The following POLD1 variants were observed in gnomAD, a reference collection of about 807,000 sequenced individuals.
POLD1 encodes DNA polymerase delta catalytic subunit.
POLD1 carries 79 observed loss-of-function variants against 129.7 expected under a neutral mutation model. The ratio of observed to expected loss-of-function variants is 0.61; its 90% CI spans 0.51 to 0.73. The LOEUF is 0.73. POLD1 is among the 30% of genes least tolerant of loss of function. The pLI, the probability that POLD1 is intolerant of heterozygous loss-of-function variation, is 0.00. For synonymous variants in POLD1, 714 were observed against 683.3 expected, an observed-to-expected ratio of 1.04 and a Z score of -0.70; for missense variants, 1,338 against 1,595.8, an observed-to-expected ratio of 0.84 and a Z score of 2.75.
intron 14 of POLD1, 70 bp from the exon 15 acceptor site, chr19:50,408,715 C>T: frequency 6.3e-7 from 1 of 1,585,798 alleles, no homozygotes; most frequent in Non-Finnish European, 8.6e-7. Flanking sequence ...AGGGTGAGGC[C>T]ACAAGACAGG....
chr19:50,403,045 C>T lies in POLD1; in HGVS notation c.971-8C>T, dbSNP rs373712816. 1.5e-5 allele frequency: 23 copies of T among 1,554,612 alleles called. No homozygotes were observed. Among genetic ancestry groups the T allele is most frequent in the Non-Finnish European group, 1.8e-5 (21 of 1,148,770 alleles). On this transcript the variant is annotated splice_polypyrimidine_tract_variant and splice_region_variant and intron_variant, in intron 8 of 26. Coordinates refer to ENST00000440232, the MANE Select transcript of POLD1 (RefSeq NM_002691.4). Reference sequence around the variant, plus strand: ...GGAGTCAGGCCCCTGCATCCTCCTGCCTCGCAGGCATCTTCCCTGAGCCTG... The same window carrying T: ...GGAGTCAGGCCCCTGCATCCTCCTGTCTCGCAGGCATCTTCCCTGAGCCTG...
chr19:50,395,323 C>T (rs572706415), intron 1 of POLD1, among the ~76,000 whole-genome samples: 3 of 151,404 alleles, frequency 2.0e-5, no homozygotes, highest in South Asian at 2.1e-4. Context: ...AGGCCGGGCG[C>T]GGTGGCTCAC....
intron 3 of POLD1, among the ~76,000 whole-genome samples, chr19:50,400,846 G>A (rs2038572996): frequency 2.0e-5 from 3 of 151,318 alleles, no homozygotes; most frequent in South Asian, 2.1e-4. Context: ...ACAGGCACCC[G>A]CCCCAACTCC....
rs762330164 is a variant in POLD1 at position 50,403,136 on chromosome 19, C to T, written c.1054C>T (p.Arg352Cys). 54 of 1,561,436 alleles carry T rather than the reference C, an allele frequency of 3.5e-5. No homozygotes were observed. The highest frequency in any genetic ancestry group is 4.8e-5 in the East Asian group (2 of 41,852). Reference protein sequence around the residue: ...LRWGEPEPFLRLALTLRPCAP... With the variant: ...LRWGEPEPFLCLALTLRPCAP... Reference sequence around the variant, plus strand: ...CTGGGGGGAGCCGGAGCCCTTCCTACGCCTGGCGCTCACCCTGCGGCCCTG... The same window carrying T: ...CTGGGGGGAGCCGGAGCCCTTCCTATGCCTGGCGCTCACCCTGCGGCCCTG... The change falls in exon 9 of 27, where the codon CGC becomes TGC. Residue 352 changes from arginine (R) to cysteine (C), a missense_variant. By Grantham distance (180) the Arg-to-Cys change is radical. Transcript: ENST00000440232.
rs8105475 is a variant in POLD1, at chr19:50,402,165, C to A, written c.590-40C>A. ...GGATCAGCGGGTTGGAGGGTCCCCTCGGGAGGCCATTGGCTGGTCCCAGCT... is the reference window on the plus strand; with the variant it reads ...GGATCAGCGGGTTGGAGGGTCCCCTAGGGAGGCCATTGGCTGGTCCCAGCT... On this transcript the variant is annotated intron_variant, in intron 5 of 26. Coordinates refer to ENST00000440232, the MANE Select transcript of POLD1 (RefSeq NM_002691.4). 2.5e-6 allele frequency: 4 copies of A among 1,591,794 alleles called. No individual in the cohort carries two copies. The African/African-American group carries it at 4.0e-5, about 16-fold the overall frequency.
chr19:50,396,359 G>A (rs1007803081), intron 1 of POLD1, among the ~76,000 whole-genome samples: 3 of 151,726 alleles, frequency 2.0e-5, no homozygotes, highest in African/African-American at 7.3e-5. Flanking sequence ...AAAGTGCTGG[G>A]ATTACAGCGT....
rs369080822 is a variant in POLD1, at chr19:50,409,701, C to T, written c.2154+35C>T. 1.3e-6 allele frequency: 2 copies of T among 1,570,302 alleles called. No individual in the cohort carries two copies. The highest frequency in any genetic ancestry group is 2.7e-5 in the African/African-American group (2 of 73,898). On this transcript the variant is annotated intron_variant, in intron 17 of 26. Transcript: ENST00000440232. This position sits in a 1 kb window ranked among gnomAD's most constrained non-coding sequence, Gnocchi z 5.8. ...CGGGCCCCTGGAAGGCAACTGGGGG[C>T]AGGTGGGCCCCCTGTGTAGGAGACC... is the stretch of plus-strand genomic sequence containing the variant.
chr19:50,398,907 G>A lies in POLD1; in HGVS notation c.56G>A (p.Arg19His), dbSNP rs3218773. ...CCCGGGGTGCCCCCAAAGCGGGCCCGTGGGGGCCTCTGGGATGATGATGAT... is the reference window on the plus strand; with the variant it reads ...CCCGGGGTGCCCCCAAAGCGGGCCCATGGGGGCCTCTGGGATGATGATGAT... ...PGPGVPPKRA[R>H]GGLWDDDDAP... is the part of the protein sequence containing the mutation. The change falls in exon 2 of 27, where the codon CGT (arginine) becomes CAT (histidine). Residue 19 changes from arginine (R) to histidine (H), a missense_variant. Coordinates refer to ENST00000440232, the MANE Select transcript of POLD1 (RefSeq NM_002691.4). 2,605 of 1,600,520 alleles carry A rather than the reference G, an allele frequency of 1.6e-3. 32 individuals are homozygous for A. The East Asian group carries it at 0.028, about 17-fold the overall frequency.
intron 3 of POLD1, among the ~76,000 whole-genome samples, chr19:50,401,265 ATG>A (rs1208564570): frequency 6.9e-6 from 1 of 145,794 alleles, no homozygotes; most frequent in East Asian, 2.0e-4. Flanking sequence ...TATATTCTTT[ATG>A]TATTAATTTA....
intron 17 of POLD1, among the ~76,000 whole-genome samples, chr19:50,412,463 T>TAAAA (rs985353537): frequency 1.5e-5 from 2 of 133,276 alleles, no homozygotes; most frequent in Non-Finnish European, 3.2e-5. Context: ...TCCTGTCTCT[T>TAAAA]AAAAAAAAAA....
chr19:50,408,968 T>A, intron 15 of POLD1, 67 bp downstream of exon 15: 1 of 1,496,488 alleles, frequency 6.7e-7, no homozygotes, highest in South Asian at 1.2e-5. Flanking sequence ...GGGCTCAGTC[T>A]GGTGGGGGGC....
chr19:50,386,358 G>C (rs569693857), intron 1 of POLD1, among the ~76,000 whole-genome samples: 45 of 151,922 alleles, frequency 3.0e-4, no homozygotes, highest in African/African-American at 9.2e-4. Context: ...GACTGGTCTC[G>C]AATCCCTGAC....
chr19:50,402,775 A>G (rs536832577), intron 8 of POLD1, 34 bp downstream of exon 8: 1 of 1,559,734 alleles, frequency 6.4e-7, no homozygotes, highest in African/African-American at 1.4e-5. Context: ...TGCCCGCCTC[A>G]TTGATGTGCC....
At chr19:50,404,147 G>A (rs572205345) in intron 10 of POLD1, among the ~76,000 whole-genome samples, 2 of 152,268 alleles carry the variant, frequency 1.3e-5, no homozygotes, top group Middle Eastern at 3.4e-3. Context: ...CTTCCTTCGG[G>A]GGCTGCAAGG....
chr19:50,414,581 C>A (rs1442424986), intron 19 of POLD1, among the ~76,000 whole-genome samples: 1 of 152,228 alleles, frequency 6.6e-6, no homozygotes, highest in East Asian at 1.9e-4. Context: ...TGGATTTATC[C>A]CAGTCTCTGT....
At chr19:50,389,159 A>T (rs1601163554) in intron 1 of POLD1, among the ~76,000 whole-genome samples, 2 of 135,048 alleles carry the variant, frequency 1.5e-5, no homozygotes, top group African/African-American at 2.8e-5. Flanking sequence ...ACAGTATTTT[A>T]CTCTGTCATG....
Position 50,409,761 on chromosome 19 carries a change from T to A in POLD1, c.2154+95T>A, listed in dbSNP as rs1033438253. On this transcript the variant is annotated intron_variant, in intron 17 of 26. Coordinates refer to ENST00000440232, the MANE Select transcript of POLD1 (RefSeq NM_002691.4). This position sits in a 1 kb window ranked among gnomAD's most constrained non-coding sequence, Gnocchi z 5.8. ...TGTGGGGGACCTGTATCCAGAGGAC[T>A]GGGCACCCCAACTCACTGGCCTTCT... The A allele has an allele frequency of 7.4e-7, 1 of 1,359,574 alleles. No individual in the cohort carries two copies. Among genetic ancestry groups the A allele is most frequent in the Non-Finnish European group, 1.0e-6 (1 of 993,494 alleles). The allele number at this position is 1,359,574 out of a possible 1,614,324, so 84.2% of individuals were successfully genotyped here.
At position 50,416,707 on chromosome 19, in the gene POLD1, A is replaced by G. The variant is rs2039310658; in HGVS notation, c.3051A>G (p.Thr1017=). The G allele has an allele frequency of 6.5e-7, 1 of 1,540,282 alleles. No homozygotes were observed. Among genetic ancestry groups the G allele is most frequent in the African/African-American group, 1.4e-5 (1 of 73,128 alleles). The change falls in exon 24 of 27, where the codon ACA becomes ACG. Residue 1017 remains threonine (T), a synonymous_variant. Coordinates refer to ENST00000440232, the MANE Select transcript of POLD1 (RefSeq NM_002691.4). ...GCAACTGCTGCATTGGCTGCCGCAC[A>G]GTGCTCAGCCACCAGGGTGAGCGGC... The part of the protein sequence containing the change: ...KRRNCCIGCR[T]VLSHQGAVCE...
chr19:50,401,303 A>C (rs1291534143), intron 3 of POLD1, among the ~76,000 whole-genome samples: 1 of 143,152 alleles, frequency 7.0e-6, no homozygotes, highest in East Asian at 2.0e-4. Flanking sequence ...ATATATTAAT[A>C]TATTTTGTAG....
Sources: gnomAD v4.1 joint callset for allele counts (sites outside exome capture counted in the v4.1 genomes callset) on GRCh38, gnomAD v4.1.1 for gene constraint, Gnocchi (gnomAD v3.1) non-coding constraint, MANE v1.5 for transcripts, NCBI Gene and HGNC (gene_info 2026-07-23, HGNC 2026-07-21) for gene names.